Variants in SND1 observed in about 807,000 individuals in gnomAD.
SND1 encodes staphylococcal nuclease domain-containing protein 1.
A neutral mutation model predicts 121.7 loss-of-function variants in SND1; 38 were observed. The ratio of observed to expected loss-of-function variants is 0.31; its 90% CI spans 0.24 to 0.41. The LOEUF is 0.41. SND1 is among the 10% of genes least tolerant of loss of function. The pLI, the probability that SND1 is intolerant of heterozygous loss-of-function variation, is 1.00. For synonymous variants in SND1, 401 were observed against 447.4 expected (o/e 0.90, Z 1.31); for missense variants, 868 against 1,184.6 (o/e 0.73, Z 3.92).
intron 10 of SND1, among the ~76,000 whole-genome samples, chr7:127,797,761 T>C (rs1252829456): frequency 1.0e-5 from 1 of 95,516 alleles, no homozygotes; most frequent in Non-Finnish European, 2.0e-5. Flanking sequence ...TTATTTCACC[T>C]TTTTTCCCCC....
At position 128,029,257 on chromosome 7, in the gene SND1, T is replaced by C. The variant is rs1479232654; in HGVS notation, c.1779+38201T>C. 1 of 1,614,026 alleles carries C rather than the reference T, an allele frequency of 6.2e-7. No individual in the cohort carries two copies. Among genetic ancestry groups the C allele is most frequent in the Non-Finnish European group, 8.5e-7 (1 of 1,180,050 alleles). On this transcript the variant is annotated intron_variant, in intron 16 of 23. Transcript: ENST00000354725. This position sits in a 1 kb window ranked among gnomAD's most constrained non-coding sequence, Gnocchi z 4.2. ...GTTGTGTCCTCAGGCGAGATCTCCG[T>C]GGTCTCCACTGTTACTGTGGTGAAG...
At chr7:128,077,646 C>T (rs944004454) in intron 17 of SND1, among the ~76,000 whole-genome samples, 2 of 152,236 alleles carry the variant, frequency 1.3e-5, no homozygotes, top group African/African-American at 2.4e-5. Flanking sequence ...CACCTGACCG[C>T]AAACCCTGGC....
intron 10 of SND1, among the ~76,000 whole-genome samples, chr7:127,747,955 A>G (rs566917355): frequency 7.2e-5 from 11 of 152,162 alleles, no homozygotes; most frequent in Admixed American, 1.3e-4. Flanking sequence ...AATGTAGTCA[A>G]TGTTCCCCCT....
At chr7:127,841,784 T>C (rs1798970680) in intron 11 of SND1, among the ~76,000 whole-genome samples, 1 of 152,232 alleles carries the variant, frequency 6.6e-6, no homozygotes, top group Admixed American at 6.5e-5. Context: ...TCCCCCTGTC[T>C]GAACACATTT....
At chr7:127,807,717 G>T in intron 11 of SND1, 144 bp downstream of exon 11, 1 of 671,480 alleles carries the variant, frequency 1.5e-6, no homozygotes, top group Non-Finnish European at 2.6e-6. Flanking sequence ...ATGAAGAGAG[G>T]CGTGTTTATG....
chr7:128,067,468 T>C (rs1055348899), intron 16 of SND1, among the ~76,000 whole-genome samples: 1 of 152,178 alleles, frequency 6.6e-6, no homozygotes, highest in Admixed American at 6.5e-5. Context: ...AGCCCCACCC[T>C]GCTACCTGGA....
At chr7:127,887,426 T>C (rs2116730397) in intron 12 of SND1, among the ~76,000 whole-genome samples, 1 of 152,276 alleles carries the variant, frequency 6.6e-6, no homozygotes, top group South Asian at 2.1e-4. Context: ...CACTTCGTTA[T>C]GTAAAACCAA....
intron 15 of SND1, among the ~76,000 whole-genome samples, chr7:127,987,045 G>C (rs1802407980): frequency 6.6e-6 from 1 of 152,266 alleles, no homozygotes; most frequent in African/African-American, 2.4e-5. Context: ...TCAGCAGGCA[G>C]CACTGCACTG....
At chr7:128,040,088 G>A (rs557671148) in intron 16 of SND1, among the ~76,000 whole-genome samples, 35 of 152,116 alleles carry the variant, frequency 2.3e-4, no homozygotes, top group Non-Finnish European at 4.0e-4. Flanking sequence ...TTCCATCAAC[G>A]AACCCTTAAT....
chr7:127,663,665 C>G (rs1274353999), intron 1 of SND1, among the ~76,000 whole-genome samples: 1 of 152,010 alleles, frequency 6.6e-6, no homozygotes, highest in Non-Finnish European at 1.5e-5. Flanking sequence ...CGTGAGCCAC[C>G]ACGCCTGGCC....
intron 10 of SND1, among the ~76,000 whole-genome samples, chr7:127,799,460 T>C (rs892554706): frequency 2.6e-5 from 4 of 152,182 alleles, no homozygotes; most frequent in Non-Finnish European, 1.5e-5. Context: ...TCACACATGC[T>C]AATAGGGCCT....
At chr7:127,918,918 T>C (rs2116795947) in intron 14 of SND1, among the ~76,000 whole-genome samples, 1 of 152,356 alleles carries the variant, frequency 6.6e-6, no homozygotes, top group South Asian at 2.1e-4. Context: ...TTTGTTGTTC[T>C]TCAAAATATT....
chr7:127,782,167 T>C (rs953575391), intron 10 of SND1, among the ~76,000 whole-genome samples: 1 of 152,196 alleles, frequency 6.6e-6, no homozygotes, highest in African/African-American at 2.4e-5. Flanking sequence ...TATTGTTTCT[T>C]GATTGTCTCT....
chr7:128,040,275 T>A (rs1008162966), intron 16 of SND1, among the ~76,000 whole-genome samples: 11 of 144,392 alleles, frequency 7.6e-5, no homozygotes, highest in African/African-American at 1.8e-4. Context: ...CACAGAAATT[T>A]AAAAAAAAAA....
chr7:127,652,195 T>A lies in SND1; in HGVS notation c.-179T>A, dbSNP rs963799824. ...GTGTGGCGGCGGCGGAGATCGCGTC[T>A]CTTTCGCTCCGTGTCCCGCTGCTGC... On this transcript the variant is annotated 5_prime_UTR_variant, in exon 1 of 24. Transcript: ENST00000354725. 93 of 634,626 alleles carry A rather than the reference T, an allele frequency of 1.5e-4. No homozygotes were observed. The highest frequency in any genetic ancestry group is 1.9e-4 in the Non-Finnish European group (65 of 349,216). The allele number at this position is 634,626 out of a possible 1,614,324, so 39.3% of individuals were successfully genotyped here. A position where few individuals can be genotyped will look rare whatever the true frequency, so the allele number is the denominator to read the frequency against.
chr7:128,069,758 C>T (rs534354976), intron 16 of SND1, among the ~76,000 whole-genome samples: 11 of 152,302 alleles, frequency 7.2e-5, no homozygotes, highest in African/African-American at 2.2e-4. Flanking sequence ...ATGTTGCAAT[C>T]CCAGTTTTAC....
chr7:127,815,560 CAGAG>C (rs902582496), intron 11 of SND1, among the ~76,000 whole-genome samples: 1 of 151,806 alleles, frequency 6.6e-6, no homozygotes, highest in African/African-American at 2.4e-5. Flanking sequence ...GTATTGGGCA[CAGAG>C]AGAAAGAGAC....
chr7:127,699,614 A>G (rs995683319), intron 4 of SND1, among the ~76,000 whole-genome samples: 3 of 152,124 alleles, frequency 2.0e-5, no homozygotes, highest in Admixed American at 2.0e-4. Flanking sequence ...TGAACCTGTT[A>G]GAAAGGGGTT....
intron 11 of SND1, among the ~76,000 whole-genome samples, chr7:127,830,799 C>T (rs571076916): frequency 6.6e-6 from 1 of 152,256 alleles, no homozygotes; most frequent in Admixed American, 6.5e-5. Context: ...GTTCTTCCCT[C>T]CCTCTGTTCA....
Sources: gnomAD v4.1 joint callset for allele counts (sites outside exome capture counted in the v4.1 genomes callset) on GRCh38, gnomAD v4.1.1 for gene constraint, Gnocchi (gnomAD v3.1) non-coding constraint, MANE v1.5 for transcripts, NCBI Gene and HGNC (gene_info 2026-07-23, HGNC 2026-07-21) for gene names.